The following SLC12A2 variants were observed in gnomAD, a reference collection of about 807,000 sequenced individuals.
SLC12A2 encodes the protein solute carrier family 12 member 2.
In SLC12A2, 67 loss-of-function variants were observed where a neutral mutation model predicts 136.3. That is an observed-to-expected ratio of 0.49 (90% CI 0.40 to 0.60). The LOEUF (loss-of-function observed/expected upper bound fraction) is 0.60, where lower values mean the gene tolerates loss of function less well. Ranked by LOEUF, SLC12A2 falls within the 20% of genes least tolerant of loss-of-function variation. The pLI, the probability that SLC12A2 is intolerant of heterozygous loss-of-function variation, is 0.00. For synonymous variants in SLC12A2, 619 were observed against 562.9 expected (o/e 1.10, Z -1.41); for missense variants, 1,322 against 1,534.7 (o/e 0.86, Z 2.32).
chr5:128,123,620 A>G (rs1292342033), intron 4 of SLC12A2, among the ~76,000 whole-genome samples: 1 of 152,142 alleles, frequency 6.6e-6, no homozygotes, highest in Non-Finnish European at 1.5e-5. Flanking sequence ...GTGTCTACTC[A>G]TATTTTGAAG....
At chr5:128,113,030 T>TC in intron 2 of SLC12A2, 97 bp downstream of exon 2, 1 of 1,106,748 alleles carries the variant, frequency 9.0e-7, no homozygotes, top group Non-Finnish European at 1.2e-6. Context: ...ACTCTTTTTT[T>TC]CTCTATGTTA....
In SLC12A2 at chr5:128,138,561, C is replaced by G. The variant is rs776621321; in HGVS notation, c.1409-36C>G. On this transcript the variant is annotated intron_variant, in intron 7 of 26. Transcript: ENST00000262461. ...CTCAGTTATTATAGTCTAATTTGCT[C>G]TCCATTAATTGTCAAGAATATTTTG... 4 of 1,580,330 alleles carry G rather than the reference C, an allele frequency of 2.5e-6. No homozygotes were observed. In the East Asian group the frequency reaches 9.0e-5, roughly 36 times the overall value.
At chr5:128,131,537 CAAAAAA>C in intron 5 of SLC12A2, among the ~76,000 whole-genome samples, 1 of 136,024 alleles carries the variant, frequency 7.4e-6, no homozygotes, top group East Asian at 2.2e-4. Flanking sequence ...ACTACAAATA[CAAAAAA>C]AAAAAAAAAA....
rs886337343 is a variant in SLC12A2 at position 128,151,309 on chromosome 5, G to A, written c.2176G>A (p.Val726Ile). The A allele has an allele frequency of 2.5e-6, 4 of 1,612,688 alleles. No individual in the cohort carries two copies. Among genetic ancestry groups the A allele is most frequent in the Non-Finnish European group, 2.5e-6 (3 of 1,179,298 alleles). ...TCTTGGAGCAATTCTTTGTTGCATA[G>A]TAATGTTCGTCATTAACTGGTGGGC... ...SLLGAILCCI[V>I]MFVINWWAAL... is the part of the protein sequence containing the mutation. Residue 726 changes from valine to isoleucine, a missense_variant, in exon 14 of 27, where the codon GTA becomes ATA. Physicochemically the swap from Val to Ile is conservative, Grantham distance 29. Around this residue, in one of 8 missense-constraint regions of SLC12A2, gnomAD observed 294 missense variants for 436.6 expected, o/e 0.67. Transcript: ENST00000262461.
intron 4 of SLC12A2, among the ~76,000 whole-genome samples, chr5:128,128,789 C>T (rs1241639529): frequency 6.9e-6 from 1 of 145,366 alleles, no homozygotes; most frequent in Admixed American, 6.8e-5. Flanking sequence ...CACAGCCTTT[C>T]AGAGTGGTAG....
intron 18 of SLC12A2, chr5:128,168,394 G>C (rs1435248760): frequency 6.6e-6 from 1 of 152,124 alleles, no homozygotes. Context: ...GAAGAGTTAA[G>C]TTTGAGTTCA....
At position 128,167,986 on chromosome 5, in the gene SLC12A2, A is replaced by G. The variant is rs554463456; in HGVS notation, c.2723+119A>G. 1.5e-4 allele frequency: 90 copies of G among 582,646 alleles called. 1 individual carries two copies. The East Asian group carries it at 2.5e-3, about 16-fold the overall frequency. 36.1% of individuals were successfully genotyped at this position (582,646 alleles called of 1,614,324 possible). ...CTCTTGTAATGGAAATATAAGAACG[A>G]AAAGAATCACACAAAGCATCTGGGT... On this transcript the variant is annotated intron_variant, in intron 18 of 26. Transcript: ENST00000262461.
chr5:128,168,895 G>A (rs1304548219), intron 18 of SLC12A2: 1 of 152,046 alleles, frequency 6.6e-6, no homozygotes, highest in African/African-American at 2.4e-5. Flanking sequence ...CAGGTATTGG[G>A]GACCCTTGGT....
intron 1 of SLC12A2, chr5:128,110,917 A>C: frequency 1.0e-6 from 1 of 981,610 alleles, no homozygotes. Flanking sequence ...CTGAGAGGGC[A>C]TGAAAAGGGT....
intron 4 of SLC12A2, among the ~76,000 whole-genome samples, chr5:128,118,029 C>T (rs1276860401): frequency 3.9e-5 from 6 of 152,038 alleles, no homozygotes; most frequent in South Asian, 2.1e-4. Context: ...CATCTTACTC[C>T]TGCAGGAATG....
At chr5:128,160,007 G>T (rs923090842) in intron 16 of SLC12A2, among the ~76,000 whole-genome samples, 9 of 152,192 alleles carry the variant, frequency 5.9e-5, no homozygotes, top group African/African-American at 2.2e-4. Flanking sequence ...ATCAATGATA[G>T]ACTGGATAAG....
intron 7 of SLC12A2, among the ~76,000 whole-genome samples, chr5:128,137,424 T>C (rs948393781): frequency 1.3e-5 from 2 of 152,206 alleles, no homozygotes; most frequent in African/African-American, 4.8e-5. Context: ...TCCTTCCTTA[T>C]ATTTGCTTAG....
At chr5:128,087,467 G>A (rs1245151860) in intron 1 of SLC12A2, among the ~76,000 whole-genome samples, 4 of 152,112 alleles carry the variant, frequency 2.6e-5, no homozygotes, top group South Asian at 2.1e-4. Context: ...TTGGGAAGGC[G>A]TTTTTTTGAG....
intron 1 of SLC12A2, chr5:128,110,107 T>C: frequency 1.1e-6 from 1 of 938,448 alleles, no homozygotes; most frequent in Non-Finnish European, 1.8e-6. Flanking sequence ...GGTGAACATG[T>C]AGGTTTTAGA....
chr5:128,110,336 A>T (rs1410495323), intron 1 of SLC12A2: 2 of 921,072 alleles, frequency 2.2e-6, no homozygotes, highest in Non-Finnish European at 3.6e-6. Flanking sequence ...TGGGCTGGGT[A>T]AGTCTGGATA....
chr5:128,179,858 C>G (rs1342998365), intron 22 of SLC12A2, among the ~76,000 whole-genome samples: 2 of 144,378 alleles, frequency 1.4e-5, no homozygotes, highest in Non-Finnish European at 3.0e-5. Flanking sequence ...TTGTTACTTT[C>G]ATTTGTTTTG....
chr5:128,113,463 T>TG (rs920231741), intron 2 of SLC12A2, among the ~76,000 whole-genome samples: 2 of 152,224 alleles, frequency 1.3e-5, no homozygotes, highest in Non-Finnish European at 2.9e-5. Context: ...TGTTTTTCTG[T>TG]GTTTGAATAA....
chr5:128,104,975 A>G (rs1760881197), intron 1 of SLC12A2, among the ~76,000 whole-genome samples: 1 of 152,056 alleles, frequency 6.6e-6, no homozygotes, highest in Non-Finnish European at 1.5e-5. Context: ...AAAAATAGAT[A>G]ATCTAAAATA....
intron 1 of SLC12A2, among the ~76,000 whole-genome samples, chr5:128,090,388 G>T (rs150067524): frequency 2.0e-5 from 3 of 152,284 alleles, no homozygotes; most frequent in Non-Finnish European, 4.4e-5. Context: ...TATGTGTGGA[G>T]TGTGTTTGCT....
Sources: allele counts gnomAD v4.1 joint callset (sites outside exome capture counted in the v4.1 genomes callset), GRCh38; gene constraint gnomAD v4.1.1; regional missense constraint gnomAD v4.1.1; transcripts MANE v1.5; gene names NCBI Gene and HGNC (gene_info 2026-07-23, HGNC 2026-07-21).